The following LRRK1 variants were observed in gnomAD, a reference collection of about 807,000 sequenced individuals.
The protein encoded by LRRK1 is leucine-rich repeat serine/threonine-protein kinase 1.
LRRK1 carries 113 observed loss-of-function variants against 209.1 expected under a neutral mutation model. The ratio of observed to expected loss-of-function variants is 0.54; its 90% CI spans 0.46 to 0.63. The LOEUF is 0.63. Ranked by LOEUF, LRRK1 falls within the 30% of genes least tolerant of loss-of-function variation. The pLI is 0.00. For missense variants in LRRK1, 2,284 were observed against 2,632.2 expected, an observed-to-expected ratio of 0.87 and a Z score of 2.89; for synonymous variants, 1,144 against 1,099.7, an observed-to-expected ratio of 1.04 and a Z score of -0.80.
At chr15:100,992,416 A>G (rs1328358148) in intron 6 of LRRK1, among the ~76,000 whole-genome samples, 4 of 152,022 alleles carry the variant, frequency 2.6e-5, no homozygotes, top group African/African-American at 7.2e-5. Flanking sequence ...TTGCATTGAC[A>G]TTTTTCTCAT....
intron 20 of LRRK1, among the ~76,000 whole-genome samples, chr15:101,037,909 T>A (rs1192298121): frequency 2.6e-5 from 4 of 152,228 alleles, no homozygotes; most frequent in African/African-American, 9.6e-5. Flanking sequence ...ACAAAAAAGA[T>A]ACTTGCACAC....
intron 31 of LRRK1, among the ~76,000 whole-genome samples, chr15:101,062,924 AC>A (rs34453923): frequency 1.3e-5 from 2 of 150,512 alleles, no homozygotes; most frequent in Non-Finnish European, 3.0e-5. Context: ...CGAATGAAAA[AC>A]CCCCTTTCAC....
At chr15:101,054,351 C>T (rs1257563228) in intron 26 of LRRK1, among the ~76,000 whole-genome samples, 1 of 152,196 alleles carries the variant, frequency 6.6e-6, no homozygotes, top group Non-Finnish European at 1.5e-5. Flanking sequence ...AGATTTCGAA[C>T]CCTTGCTCAT....
At chr15:101,014,177 CAG>C in intron 10 of LRRK1, 137 bp from the exon 11 acceptor site, 1 of 661,092 alleles carries the variant, frequency 1.5e-6, no homozygotes. Flanking sequence ...GGGCCCCACA[CAG>C]CTGGGATCTG....
intron 3 of LRRK1, 115 bp downstream of exon 3, chr15:100,974,082 C>A: frequency 1.2e-6 from 1 of 866,086 alleles, no homozygotes; most frequent in Non-Finnish European, 1.5e-6. Flanking sequence ...TTACTGTGTT[C>A]TGGAAACGCC....
At chr15:101,028,587 C>G (rs2034147286) in intron 19 of LRRK1, among the ~76,000 whole-genome samples, 1 of 152,256 alleles carries the variant, frequency 6.6e-6, no homozygotes, top group African/African-American at 2.4e-5. Flanking sequence ...TGGCAACGTG[C>G]ACATTGGTCA....
At chr15:101,051,568 T>A in intron 23 of LRRK1, 143 bp from the exon 24 acceptor site, 1 of 1,062,074 alleles carries the variant, frequency 9.4e-7, no homozygotes, top group Non-Finnish European at 1.3e-6. Context: ...TGGCAGTGGG[T>A]TTCAGCCTGT....
At chr15:100,973,723 C>A in intron 2 of LRRK1, 81 bp from the exon 3 acceptor site, 1 of 1,217,036 alleles carries the variant, frequency 8.2e-7, no homozygotes, top group Non-Finnish European at 1.0e-6. Flanking sequence ...CGCGCCGCCT[C>A]CTGCTGTGTT....
At chr15:101,055,296 G>A (rs2035733398) in intron 27 of LRRK1, 73 bp downstream of exon 27, 2 of 1,402,732 alleles carry the variant, frequency 1.4e-6, no homozygotes, top group Admixed American at 2.9e-5. Flanking sequence ...GGCAGTCCTG[G>A]AGGCACCTGA....
intron 2 of LRRK1, among the ~76,000 whole-genome samples, chr15:100,926,680 C>CTTTTTTTTTTTTTTTTTTTT (rs71151990): frequency 3.5e-4 from 29 of 81,838 alleles, no homozygotes; most frequent in South Asian, 4.6e-4. Flanking sequence ...TTCTTTTTTT[C>CTTTTTTTTTTTTTTTTTTTT]TTTTTTTTTT....
intron 6 of LRRK1, among the ~76,000 whole-genome samples, chr15:100,990,221 C>T (rs1181961274): frequency 2.0e-5 from 3 of 152,142 alleles, no homozygotes; most frequent in African/African-American, 4.8e-5. Context: ...CATGGACTTC[C>T]TCTAGATCAG....
In LRRK1 at chr15:100,919,835, G is replaced by T. The variant is rs1003681521; in HGVS notation, c.-123+384G>T. 6.6e-6 allele frequency among the ~76,000 whole-genome samples: 1 copy of T among 152,138 alleles called. No individual in the cohort carries two copies. The highest frequency in any genetic ancestry group is 1.5e-5 in the Non-Finnish European group (1 of 68,006). On this transcript the variant is annotated intron_variant, in intron 1 of 33. Coordinates refer to ENST00000388948, the MANE Select transcript of LRRK1 (RefSeq NM_024652.6). This position sits in a 1 kb window ranked among gnomAD's most constrained non-coding sequence, Gnocchi z 5.8. ...GGAGACACGAGCCGGGGAGCCCATAGGTTTCCTCTGCCTTTGGAGCGAACC... is the reference window on the plus strand; with the variant it reads ...GGAGACACGAGCCGGGGAGCCCATATGTTTCCTCTGCCTTTGGAGCGAACC...
At chr15:101,049,583 A>G in intron 22 of LRRK1, 61 bp from the exon 23 acceptor site, 1 of 1,575,370 alleles carries the variant, frequency 6.3e-7, no homozygotes, top group African/African-American at 1.4e-5. Context: ...GGGTAGGGAT[A>G]TCATCCCAGG....
intron 24 of LRRK1, among the ~76,000 whole-genome samples, chr15:101,052,262 T>C (rs2035501597): frequency 6.6e-6 from 1 of 152,208 alleles, no homozygotes; most frequent in African/African-American, 2.4e-5. Flanking sequence ...TGCTCTCTCC[T>C]GAGCTGCCTC....
intron 31 of LRRK1, among the ~76,000 whole-genome samples, chr15:101,063,128 G>A (rs752786971): frequency 3.9e-5 from 6 of 152,054 alleles, no homozygotes; most frequent in Non-Finnish European, 5.9e-5. Flanking sequence ...CCAAGTACTC[G>A]CCGTCTTACA....
chr15:100,923,087 G>C lies in LRRK1; in HGVS notation c.-122-1424G>C, dbSNP rs1247542804. On this transcript the variant is annotated intron_variant, in intron 1 of 33. Coordinates refer to ENST00000388948, the MANE Select transcript of LRRK1 (RefSeq NM_024652.6). ...GATATTCTGATCTTATTAATTAGCA[G>C]GGAAGTGGGAGACCCGCTGGCCTCC... is the stretch of plus-strand genomic sequence containing the variant. Among the ~76,000 whole-genome samples the C allele has an allele frequency of 2.0e-5, 3 of 152,186 alleles. No individual in the cohort carries two copies. In the East Asian group the frequency reaches 5.8e-4, roughly 29 times the overall value.
chr15:100,942,472 G>A (rs549993462), intron 2 of LRRK1, among the ~76,000 whole-genome samples: 6 of 152,246 alleles, frequency 3.9e-5, no homozygotes, highest in South Asian at 4.1e-4. Context: ...TGGTGAGTCC[G>A]ATTTTATTTG....
intron 2 of LRRK1, among the ~76,000 whole-genome samples, chr15:100,951,009 A>G (rs1479659942): frequency 3.3e-5 from 5 of 152,234 alleles, no homozygotes; most frequent in Admixed American, 6.5e-5. Flanking sequence ...AGGCTGAGGC[A>G]GGAGAATGGC....
At position 101,054,941 on chromosome 15, in the gene LRRK1, G is replaced by A; in HGVS notation, c.4055-5G>A. ...ATACATTTGAAAATTGTTTTTCTTT[G>A]CAAGATTCTTCCTTTATACCCCTGG... On this transcript the variant is annotated splice_region_variant and splice_polypyrimidine_tract_variant and intron_variant, in intron 26 of 33. Coordinates refer to ENST00000388948, the MANE Select transcript of LRRK1 (RefSeq NM_024652.6). 6.4e-7 allele frequency: 1 copy of A among 1,565,638 alleles called. No homozygotes were observed.
Sources: gnomAD v4.1 joint callset for allele counts (sites outside exome capture counted in the v4.1 genomes callset) on GRCh38, gnomAD v4.1.1 for gene constraint, Gnocchi (gnomAD v3.1) non-coding constraint, MANE v1.5 for transcripts, NCBI Gene and HGNC (gene_info 2026-07-23, HGNC 2026-07-21) for gene names.